Variants in PRDM15 observed in about 807,000 individuals in gnomAD.
PRDM15 encodes PR/SET domain 15, also known as PR domain zinc finger protein 15.
A neutral mutation model predicts 128.6 loss-of-function variants in PRDM15; 64 were observed. The ratio of observed to expected loss-of-function variants is 0.50; its 90% CI spans 0.41 to 0.61. The LOEUF is 0.61. Ranked by LOEUF, PRDM15 falls within the 20% of genes least tolerant of loss-of-function variation. The probability of loss-of-function intolerance (pLI) is 0.00; values close to 1 mark genes in which losing one functional copy is unlikely to be tolerated. For missense variants in PRDM15, 1,242 were observed against 1,569.1 expected, an observed-to-expected ratio of 0.79 and a Z score of 3.52; for synonymous variants, 615 against 621.8, an observed-to-expected ratio of 0.99 and a Z score of 0.16.
At position 41,839,780 on chromosome 21, in the gene PRDM15, C is replaced by T. The variant is rs149847154; in HGVS notation, c.714G>A (p.Glu238=). ...CCCCCCGGGGTGTGTCCTGCTCCTT[C>T]TCGGGAGCTGCTGCCTCGCTTTGGC... ...PGSQSEAAAP[E]KEQDTPRGEP... is the part of the protein sequence containing the mutation. Residue 238 remains glutamate (E), a synonymous_variant, in exon 7 of 24, where the codon GAG becomes GAA. Coordinates refer to ENST00000398548, the MANE Select transcript of PRDM15 (RefSeq NM_001040424.3). The T allele has an allele frequency of 1.3e-5, 21 of 1,614,158 alleles. No homozygotes were observed. In the African/African-American group the frequency reaches 2.7e-4, roughly 21 times the overall value.
chr21:41,834,568 G>T lies in PRDM15; in HGVS notation c.1366+869C>A, dbSNP rs2062806693. 7 of 1,547,442 alleles carry T rather than the reference G, an allele frequency of 4.5e-6. No individual in the cohort carries two copies. In the South Asian group the frequency reaches 8.3e-5, roughly 18 times the overall value. On this transcript the variant is annotated intron_variant, in intron 11 of 23. Transcript: ENST00000398548. ...TCTCCAGGGTGTGCTATGAGTCCTA[G>T]AGAGAGGGGGACACAAAGGCAACAG... is the stretch of plus-strand genomic sequence containing the variant.
intron 1 of PRDM15, chr21:41,874,647 T>C (rs575891692): frequency 2.0e-5 from 3 of 151,034 alleles, no homozygotes; most frequent in Non-Finnish European, 2.9e-5. Flanking sequence ...TCCAACCGCA[T>C]TTGCATCCTG....
chr21:41,833,086 C>G (rs943068364), intron 11 of PRDM15, among the ~76,000 whole-genome samples: 2 of 152,172 alleles, frequency 1.3e-5, no homozygotes, highest in Admixed American at 1.3e-4. Context: ...GGGTGCAGGG[C>G]ACCTGGGGAT....
intron 1 of PRDM15, chr21:41,861,446 G>T: frequency 1.1e-6 from 1 of 873,184 alleles, no homozygotes; most frequent in Non-Finnish European, 1.8e-6. Flanking sequence ...CTGTAAAATG[G>T]AAATAAAAAC....
At chr21:41,839,570 G>C in intron 7 of PRDM15, 53 bp downstream of exon 7, 12 of 1,506,676 alleles carry the variant, frequency 8.0e-6, no homozygotes, top group Non-Finnish European at 1.1e-5. Context: ...GCCCTCGGGC[G>C]CCAGGAGGGC....
intron 21 of PRDM15, among the ~76,000 whole-genome samples, chr21:41,805,997 C>CCACCAT (rs2061559415): frequency 1.3e-5 from 1 of 76,714 alleles, no homozygotes; most frequent in East Asian, 3.9e-4. Flanking sequence ...ATCACCACCA[C>CCACCAT]CACCACCATC....
Position 41,854,927 on chromosome 21 carries a change from C to CA in PRDM15, c.286-110dup. 1 of 1,256,748 alleles carries CA rather than the reference C, an allele frequency of 8.0e-7. No homozygotes were observed. Among genetic ancestry groups the CA allele is most frequent in the Non-Finnish European group, 1.1e-6 (1 of 919,844 alleles). The allele number at this position is 1,256,748 out of a possible 1,614,324, so 77.8% of individuals were successfully genotyped here. ...GGAACCCATCTAGACAGTGCCACGT[C>CA]AGAGGCCATAAGGGCTCCTGTACGG... On this transcript the variant is annotated intron_variant, in intron 4 of 23. Transcript: ENST00000398548. The surrounding 1 kb of genome is among the most constrained non-coding windows in gnomAD (Gnocchi z 4.6).
At chr21:41,819,756 T>C (rs986703712) in intron 17 of PRDM15, 55 bp from the exon 18 acceptor site, 4 of 1,551,942 alleles carry the variant, frequency 2.6e-6, no homozygotes, top group African/African-American at 1.4e-5. Context: ...CTGCAGTGGC[T>C]GCAAAGAGGA....
intron 19 of PRDM15, among the ~76,000 whole-genome samples, chr21:41,815,255 G>A (rs559652704): frequency 5.9e-5 from 9 of 152,288 alleles, no homozygotes; most frequent in Admixed American, 3.3e-4. Context: ...CACATCACCC[G>A]AGCGGACACC....
At chr21:41,806,371 T>TCACC (rs2061623780) in intron 21 of PRDM15, among the ~76,000 whole-genome samples, 1 of 3,388 alleles carries the variant, frequency 3.0e-4, no homozygotes, top group Non-Finnish European at 4.7e-4. Context: ...CCACCATCAC[T>TCACC]ACCACCATCA....
chr21:41,835,527 G>T lies in PRDM15; in HGVS notation c.1279-3C>A, dbSNP rs1385520298. The T allele has an allele frequency of 6.2e-7, 1 of 1,606,916 alleles. No individual in the cohort carries two copies. The highest frequency in any genetic ancestry group is 1.7e-5 in the Admixed American group (1 of 59,998). ...CGGTACCTGTACTCGCCGTCCACCT[G>T]GTCAGAGGGACACGCCGTGAGTGAG... On this transcript the variant is annotated splice_polypyrimidine_tract_variant and splice_region_variant and intron_variant, in intron 10 of 23. Transcript: ENST00000398548.
intron 21 of PRDM15, among the ~76,000 whole-genome samples, chr21:41,805,521 T>C (rs1041251472): frequency 1.3e-5 from 2 of 152,158 alleles, no homozygotes; most frequent in African/African-American, 4.8e-5. Flanking sequence ...TCTGGGCCCC[T>C]TCCTGGAAAA....
chr21:41,823,301 C>A lies in PRDM15; in HGVS notation c.1761+17G>T, dbSNP rs1165576289. The A allele has an allele frequency of 1.2e-6, 2 of 1,606,022 alleles. No homozygotes were observed. The highest frequency in any genetic ancestry group is 2.2e-5 in the South Asian group (2 of 89,300). Reference sequence around the variant, plus strand: ...TGCCGTGAGCATGCCTGGGTGAGGGCAGCACGCGATCGACACCTTGAAGTG... The same window carrying A: ...TGCCGTGAGCATGCCTGGGTGAGGGAAGCACGCGATCGACACCTTGAAGTG... On this transcript the variant is annotated intron_variant, in intron 14 of 23. Coordinates refer to ENST00000398548, the MANE Select transcript of PRDM15 (RefSeq NM_001040424.3).
chr21:41,853,481 G>C (rs1037175704), intron 5 of PRDM15, among the ~76,000 whole-genome samples: 1 of 152,194 alleles, frequency 6.6e-6, no homozygotes, highest in Non-Finnish European at 1.5e-5. Flanking sequence ...CCCCTGGGTA[G>C]TGTCAGCTTC....
At chr21:41,814,602 C>G (rs111928176) in intron 19 of PRDM15, 173 of 48,716 alleles carry the variant, frequency 3.6e-3, no homozygotes, top group African/African-American at 4.8e-3. Flanking sequence ...CCTCGTGTTA[C>G]TGATTGCGCA....
At chr21:41,835,021 G>C (rs2062824741) in intron 11 of PRDM15, among the ~76,000 whole-genome samples, 1 of 152,192 alleles carries the variant, frequency 6.6e-6, no homozygotes, top group Non-Finnish European at 1.5e-5. Context: ...GATGGAGGAG[G>C]GCTCGCGGTT....
chr21:41,871,731 A>T, intron 1 of PRDM15: 1 of 1,238,752 alleles, frequency 8.1e-7, no homozygotes, highest in Non-Finnish European at 1.1e-6. Context: ...GTTACCACTG[A>T]CAGCCAATCA....
chr21:41,861,966 A>G (rs750115008), intron 1 of PRDM15: 12 of 1,613,910 alleles, frequency 7.4e-6, no homozygotes, highest in Non-Finnish European at 6.8e-6. Flanking sequence ...AGCAAGTGTG[A>G]CTCAGTTTCA....
At chr21:41,861,729 T>A in intron 1 of PRDM15, 1 of 1,614,086 alleles carries the variant, frequency 6.2e-7, no homozygotes, top group Non-Finnish European at 8.5e-7. Flanking sequence ...ATATGGAAAC[T>A]CACAGTCACT....
Sources: gnomAD v4.1 joint callset for allele counts (sites outside exome capture counted in the v4.1 genomes callset) on GRCh38, gnomAD v4.1.1 for gene constraint, Gnocchi (gnomAD v3.1) non-coding constraint, MANE v1.5 for transcripts, NCBI Gene and HGNC (gene_info 2026-07-23, HGNC 2026-07-21) for gene names.